Variants in LRRIQ3 observed in about 807,000 individuals in gnomAD.
LRRIQ3 encodes leucine rich repeats and IQ motif containing 3.
LRRIQ3 carries 75 observed loss-of-function variants against 59.3 expected under a neutral mutation model. That is an observed-to-expected ratio of 1.26 (90% CI 1.05 to 1.53). The LOEUF is 1.53. Ranked by LOEUF, LRRIQ3 falls within the 40% of genes most tolerant of loss-of-function variation. LRRIQ3 has a pLI of 0.00. For missense variants in LRRIQ3, 831 were observed against 710.0 expected, an observed-to-expected ratio of 1.17 and a Z score of -1.94; for synonymous variants, 250 against 231.3, an observed-to-expected ratio of 1.08 and a Z score of -0.73.
At chr1:74,171,169 G>A (rs1170450061) in intron 3 of LRRIQ3, among the ~76,000 whole-genome samples, 14 of 151,826 alleles carry the variant, frequency 9.2e-5, no homozygotes, top group Non-Finnish European at 1.5e-4. Context: ...CCATTGCTTT[G>A]GCTTGGACTT....
At chr1:74,159,055 T>C (rs1415541242) in intron 3 of LRRIQ3, among the ~76,000 whole-genome samples, 1 of 152,120 alleles carries the variant, frequency 6.6e-6, no homozygotes, top group Non-Finnish European at 1.5e-5. Context: ...ACCACTTTTC[T>C]TCATTCCACT....
intron 3 of LRRIQ3, among the ~76,000 whole-genome samples, chr1:74,179,014 T>C (rs982091587): frequency 1.1e-4 from 17 of 152,106 alleles, no homozygotes; most frequent in Non-Finnish European, 2.4e-4. Context: ...AAGGAAGGAC[T>C]TCCTATATCC....
intron 6 of LRRIQ3, among the ~76,000 whole-genome samples, chr1:74,060,851 A>G (rs2100443738): frequency 6.6e-6 from 1 of 152,258 alleles, no homozygotes; most frequent in Middle Eastern, 3.4e-3. Flanking sequence ...TTGAAGGGGC[A>G]GGAATCTGGG....
intron 5 of LRRIQ3, among the ~76,000 whole-genome samples, chr1:74,084,962 A>G (rs1483788): frequency 0.81 from 123,409 of 151,486 alleles, 52,263 homozygotes; most frequent in East Asian, 0.97. Flanking sequence ...AAGTTCTACT[A>G]TAACAGGACT....
chr1:74,122,363 GCTGCATAAATGTCTTCTTTTGAGAAGTGT>G (rs1646871821), intron 4 of LRRIQ3, among the ~76,000 whole-genome samples: 1 of 152,004 alleles, frequency 6.6e-6, no homozygotes, highest in Admixed American at 6.6e-5. Flanking sequence ...GTGTCTTTTG[GCTGCATAAATGTCTTCTTTTGAGAAGTGT>G]CTGTTCATAT....
At chr1:74,060,234 TTCTTCTTCTTCTTCTTCTTCTTCC>T (rs1421194083) in intron 6 of LRRIQ3, among the ~76,000 whole-genome samples, 340 of 136,136 alleles carry the variant, frequency 2.5e-3, no homozygotes, top group African/African-American at 8.7e-3. Flanking sequence ...CTTCTTCTTC[TTCTTCTTCTTCTTCTTCTTCTTCC>T]TCTTCCTCTT....
At chr1:74,144,187 C>T (rs1309327375) in intron 4 of LRRIQ3, among the ~76,000 whole-genome samples, 4 of 151,866 alleles carry the variant, frequency 2.6e-5, no homozygotes, top group Admixed American at 2.0e-4. Flanking sequence ...TAGCTAACTT[C>T]CTAGTCCTGA....
chr1:74,064,183 G>T (rs1020523433), intron 6 of LRRIQ3, among the ~76,000 whole-genome samples: 5 of 151,726 alleles, frequency 3.3e-5, no homozygotes, highest in African/African-American at 1.2e-4. Flanking sequence ...TTAGAAAGTT[G>T]ATGAAAAGTG....
intron 4 of LRRIQ3, among the ~76,000 whole-genome samples, chr1:74,152,207 A>G (rs540294109): frequency 6.6e-6 from 1 of 152,124 alleles, no homozygotes; most frequent in South Asian, 2.1e-4. Context: ...TTTAAAAACT[A>G]ATTTTATATA....
chr1:74,092,857 T>C (rs962793952), intron 5 of LRRIQ3, among the ~76,000 whole-genome samples: 20 of 152,006 alleles, frequency 1.3e-4, no homozygotes, highest in Non-Finnish European at 4.4e-5. Flanking sequence ...AAGACTTATA[T>C]ACAAAGGTGT....
chr1:74,138,966 G>A (rs142626191), intron 4 of LRRIQ3, among the ~76,000 whole-genome samples: 30 of 151,532 alleles, frequency 2.0e-4, no homozygotes, highest in African/African-American at 6.8e-4. Flanking sequence ...TTGAGGCCAG[G>A]AGTTTGAGAC....
intron 4 of LRRIQ3, among the ~76,000 whole-genome samples, chr1:74,112,307 C>T (rs1646707591): frequency 6.6e-6 from 1 of 152,034 alleles, no homozygotes; most frequent in African/African-American, 2.4e-5. Flanking sequence ...TGGAGAATTT[C>T]AAATCTAAAG....
intron 4 of LRRIQ3, among the ~76,000 whole-genome samples, chr1:74,139,141 CAT>C (rs201116407): frequency 0.025 from 3,319 of 133,696 alleles, 122 homozygotes; most frequent in African/African-American, 0.085. Context: ...TATATATATA[CAT>C]GTGTGTGTGT....
At chr1:74,193,814 C>T (rs1306127732) in intron 1 of LRRIQ3, among the ~76,000 whole-genome samples, 12 of 151,652 alleles carry the variant, frequency 7.9e-5, no homozygotes, top group Admixed American at 7.9e-4. Flanking sequence ...ATACTAGACT[C>T]CAGAATTATC....
At chr1:74,030,524 T>G (rs960310841) in intron 7 of LRRIQ3, among the ~76,000 whole-genome samples, 1 of 152,160 alleles carries the variant, frequency 6.6e-6, no homozygotes, top group Non-Finnish European at 1.5e-5. Flanking sequence ...GATTCCCTAT[T>G]TAACAAATGG....
intron 4 of LRRIQ3, among the ~76,000 whole-genome samples, chr1:74,142,084 T>C (rs1314843629): frequency 2.0e-5 from 3 of 151,900 alleles, no homozygotes; most frequent in Non-Finnish European, 4.4e-5. Context: ...TCTTGGCTAT[T>C]GTGAATAATG....
At chr1:74,056,839 T>C (rs75231194) in intron 6 of LRRIQ3, among the ~76,000 whole-genome samples, 1 of 152,220 alleles carries the variant, frequency 6.6e-6, no homozygotes, top group South Asian at 2.1e-4. Flanking sequence ...CCCCCACATG[T>C]TGAGGGAGGG....
chr1:74,156,763 C>T (rs192408992), intron 3 of LRRIQ3, among the ~76,000 whole-genome samples: 1 of 152,188 alleles, frequency 6.6e-6, no homozygotes, highest in Non-Finnish European at 1.5e-5. Context: ...TGGAAAAGAT[C>T]CTGTATTGGC....
chr1:74,026,773 T>C lies in LRRIQ3; in HGVS notation c.*40A>G, dbSNP rs945284456. 6.6e-7 allele frequency: 1 copy of C among 1,510,880 alleles called. No individual in the cohort carries two copies. The highest frequency in any genetic ancestry group is 1.4e-5 in the African/African-American group (1 of 71,084). 93.6% of individuals were successfully genotyped at this position (1,510,880 alleles called of 1,614,324 possible). ...AATTCCTTCAACTAAAAATAATGAC[T>C]ATAATTTAAGATGATCATAGGATGT... is the stretch of plus-strand genomic sequence containing the variant. On this transcript the variant is annotated 3_prime_UTR_variant, in exon 8 of 8. Transcript: ENST00000354431.
Sources: allele counts gnomAD v4.1 joint callset (sites outside exome capture counted in the v4.1 genomes callset), GRCh38; gene constraint gnomAD v4.1.1; transcripts MANE v1.5; gene names NCBI Gene and HGNC (gene_info 2026-07-23, HGNC 2026-07-21).